The following TET3 variants were observed in gnomAD, a reference collection of about 807,000 sequenced individuals.
The protein encoded by TET3 is methylcytosine dioxygenase TET3.
Under a neutral mutation model 141.4 loss-of-function variants are expected in TET3, and 19 were observed. The observed-to-expected ratio is 0.13, with a 90% CI of 0.09 to 0.20. The LOEUF (loss-of-function observed/expected upper bound fraction) is 0.20, where lower values mean the gene tolerates loss of function less well. Ranked by LOEUF, TET3 falls within the 10% of genes least tolerant of loss-of-function variation. The pLI, the probability that TET3 is intolerant of heterozygous loss-of-function variation, is 1.00. For synonymous variants in TET3, 1,043 were observed against 980.9 expected (o/e 1.06, Z -1.18); for missense variants, 1,874 against 2,356.9 (o/e 0.80, Z 4.24).
At position 74,097,858 on chromosome 2, in the gene TET3, G is replaced by T. The variant is rs369118485; in HGVS notation, c.3268-1418G>T. On this transcript the variant is annotated intron_variant, in intron 10 of 11. Coordinates refer to ENST00000409262, the MANE Select transcript of TET3 (RefSeq NM_001287491.2). ...TGGTTCATATATCAGAGGCACACTCGCAGGGAGCCATTTGCTATCTCTGAG... is the reference window on the plus strand; with the variant it reads ...TGGTTCATATATCAGAGGCACACTCTCAGGGAGCCATTTGCTATCTCTGAG... Among the ~76,000 whole-genome samples the T allele has an allele frequency of 6.1e-4, 93 of 152,260 alleles. 3 individuals carry two copies. The highest frequency in any genetic ancestry group is 2.2e-3 in the African/African-American group (92 of 41,546).
At chr2:74,061,666 T>G in intron 4 of TET3, among the ~76,000 whole-genome samples, 1 of 137,640 alleles carries the variant, frequency 7.3e-6, no homozygotes, top group East Asian at 2.3e-4. Context: ...CCAGACGGGG[T>G]GGCTGCCGGG....
At chr2:74,131,819 G>C in the TET3 span, among the ~76,000 whole-genome samples, 2 of 151,726 alleles carry the variant, frequency 1.3e-5, no homozygotes, top group Non-Finnish European at 2.9e-5. Flanking sequence ...CTAGCCACTG[G>C]GATTAAACAC....
chr2:73,989,112 C>T (rs560441843), intron 2 of TET3, among the ~76,000 whole-genome samples: 9 of 149,998 alleles, frequency 6.0e-5, no homozygotes, highest in Non-Finnish European at 1.2e-4. Context: ...TGAGATGTTC[C>T]TGAGAGACTG....
chr2:74,027,756 C>T (rs1018946567), intron 3 of TET3, among the ~76,000 whole-genome samples: 5 of 152,140 alleles, frequency 3.3e-5, no homozygotes, highest in African/African-American at 1.2e-4. Flanking sequence ...TTTGTTTATC[C>T]ATTCTTTAGT....
Position 74,048,079 on chromosome 2 carries a change from G to A in TET3, c.2162G>A (p.Ser721Asn), listed in dbSNP as rs1448506490. ...IRQFEAEFGD[S>N]FGLPGPPSVP... Reference sequence around the variant, plus strand: ...CAGTTTGAGGCTGAATTTGGAGATAGCTTTGGGCTTCCCGGCCCCCCTTCT... The same window carrying A: ...CAGTTTGAGGCTGAATTTGGAGATAACTTTGGGCTTCCCGGCCCCCCTTCT... Residue 721 changes from serine to asparagine, a missense_variant, in exon 4 of 12, where the codon AGC becomes AAC. Transcript: ENST00000409262. 2 of 1,613,420 alleles carry A rather than the reference G, an allele frequency of 1.2e-6. No individual in the cohort carries two copies. The highest frequency in any genetic ancestry group is 1.7e-6 in the Non-Finnish European group (2 of 1,179,686).
chr2:74,028,895 T>C (rs1355602947), intron 3 of TET3, among the ~76,000 whole-genome samples: 1 of 152,262 alleles, frequency 6.6e-6, no homozygotes, highest in African/African-American at 2.4e-5. Context: ...CACAGACTAA[T>C]GGAGATAGCA....
At chr2:74,094,108 C>T (rs1690665303) in intron 10 of TET3, among the ~76,000 whole-genome samples, 1 of 152,112 alleles carries the variant, frequency 6.6e-6, no homozygotes, top group Non-Finnish European at 1.5e-5. Flanking sequence ...GTGGGAATGT[C>T]CTGTAGCAAT....
chr2:74,093,864 C>A lies in TET3; in HGVS notation c.3267+198C>A, dbSNP rs1690651959. Among the ~76,000 whole-genome samples, 1 of 152,216 alleles carries A rather than the reference C, an allele frequency of 6.6e-6. No individual in the cohort carries two copies. The highest frequency in any genetic ancestry group is 2.1e-4 in the South Asian group (1 of 4,826). ...CCTCACCAGAAAACCCTTGAACAGACAAGGCTGGCTTTGTGTCTGTGTCTT... is the reference window on the plus strand; with the variant it reads ...CCTCACCAGAAAACCCTTGAACAGAAAAGGCTGGCTTTGTGTCTGTGTCTT... On this transcript the variant is annotated intron_variant, in intron 10 of 11. Transcript: ENST00000409262. This position sits in a 1 kb window ranked among gnomAD's most constrained non-coding sequence, Gnocchi z 4.2.
intron 4 of TET3, among the ~76,000 whole-genome samples, chr2:74,052,468 G>A (rs907752919): frequency 5.9e-5 from 9 of 151,648 alleles, no homozygotes; most frequent in African/African-American, 2.2e-4. Flanking sequence ...TAGAAGTGGG[G>A]GTGAAATATG....
the TET3 span, chr2:74,134,802 G>C: frequency 2.2e-6 from 1 of 456,386 alleles, no homozygotes; most frequent in Admixed American, 2.4e-5. Context: ...ACTCCAGAGA[G>C]AGCAGCTTAT....
chr2:74,100,461 C>T lies in TET3; in HGVS notation c.3673C>T (p.His1225Tyr). ...CTCCCTCAAGGTGGAGCCGCAGAAC[C>T]ACTTCAGCTCCTTCAAGTACAGCGG... Reference protein sequence around the residue: ...KPSLKVEPQNHFSSFKYSGNA... With the variant: ...KPSLKVEPQNYFSSFKYSGNA... The change falls in exon 12 of 12, where the codon CAC (histidine) becomes TAC (tyrosine). Residue 1225 changes from histidine to tyrosine, a missense_variant. By Grantham distance (83) the His-to-Tyr change is moderately conservative. Coordinates refer to ENST00000409262, the MANE Select transcript of TET3 (RefSeq NM_001287491.2). 6.3e-7 allele frequency: 1 copy of T among 1,588,550 alleles called. No individual in the cohort carries two copies. The highest frequency in any genetic ancestry group is 1.3e-5 in the African/African-American group (1 of 74,358).
intron 3 of TET3, among the ~76,000 whole-genome samples, chr2:74,014,858 C>T (rs1343191337): frequency 1.3e-5 from 2 of 152,100 alleles, no homozygotes; most frequent in Non-Finnish European, 2.9e-5. Context: ...AAGAGTGTCC[C>T]AGGATGGAGA....
chr2:74,107,380 G>T lies in TET3; in HGVS notation c.*5204G>T, dbSNP rs1182095939. The T allele has an allele frequency of 6.6e-6, 1 of 152,234 alleles. No homozygotes were observed. The highest frequency in any genetic ancestry group is 1.5e-5 in the Non-Finnish European group (1 of 68,036). The allele number at this position is 152,234 out of a possible 1,614,324, so 9.4% of individuals were successfully genotyped here. ...TGGCTTCTATTCTGATATCAGGGAT[G>T]CTTTTTGTAGTGGTATTGTTTGCTC... On this transcript the variant is annotated 3_prime_UTR_variant, in exon 12 of 12. Coordinates refer to ENST00000409262, the MANE Select transcript of TET3 (RefSeq NM_001287491.2).
intron 4 of TET3, among the ~76,000 whole-genome samples, chr2:74,048,855 G>C (rs1156643446): frequency 6.6e-6 from 1 of 152,190 alleles, no homozygotes; most frequent in Non-Finnish European, 1.5e-5. Flanking sequence ...ATGAACAAAA[G>C]GTGGCTTGGT....
the TET3 span, among the ~76,000 whole-genome samples, chr2:74,125,318 C>T: frequency 4.0e-4 from 32 of 79,068 alleles, no homozygotes; most frequent in African/African-American, 1.6e-3. Flanking sequence ...CGCTGTTTCT[C>T]CCTACAACAT....
rs1471862202 is a variant in TET3, at chr2:74,101,069, G to C, written c.4281G>C (p.Gln1427His). 1 of 1,612,622 alleles carries C rather than the reference G, an allele frequency of 6.2e-7. No individual in the cohort carries two copies. Among genetic ancestry groups the C allele is most frequent in the Non-Finnish European group, 8.5e-7 (1 of 1,179,300 alleles). The part of the protein sequence containing the change: ...MGKTPLSEVS[Q>H]NGGPSHLWGQ... ...AGACACCTCTGTCCGAGGTGTCTCA[G>C]AATGGAGGACCCAGTCACCTTTGGG... Residue 1427 changes from glutamine to histidine, a missense_variant, in exon 12 of 12, where the codon CAG becomes CAC. Around this residue, in one of 10 missense-constraint regions of TET3, gnomAD observed 602 missense variants for 590.2 expected, o/e 1.02. Coordinates refer to ENST00000409262, the MANE Select transcript of TET3 (RefSeq NM_001287491.2). This position sits in a 1 kb window ranked among gnomAD's most constrained non-coding sequence, Gnocchi z 8.5.
chr2:73,985,364 C>G lies in TET3; in HGVS notation c.-425+207C>G, dbSNP rs1683959854. Reference sequence around the variant, plus strand: ...GGGGCGGGGGCGGGGGCTGCGAAGCCGCCGGAGCGGAGTGGCGGAGGCCCC... The same window carrying G: ...GGGGCGGGGGCGGGGGCTGCGAAGCGGCCGGAGCGGAGTGGCGGAGGCCCC... On this transcript the variant is annotated intron_variant, in intron 1 of 11. Coordinates refer to ENST00000409262, the MANE Select transcript of TET3 (RefSeq NM_001287491.2). 2.1e-5 allele frequency among the ~76,000 whole-genome samples: 3 copies of G among 143,814 alleles called. No individual in the cohort carries two copies. In the South Asian group the frequency reaches 6.3e-4, roughly 30 times the overall value. 94.3% of individuals were successfully genotyped at this position (143,814 alleles called of 152,430 possible). A position where few individuals can be genotyped will look rare whatever the true frequency, so the allele number is the denominator to read the frequency against.
chr2:74,124,084 G>T, the TET3 span, among the ~76,000 whole-genome samples: 160 of 151,524 alleles, frequency 1.1e-3, 1 homozygote, highest in African/African-American at 3.7e-3. Flanking sequence ...TCTGCGAAGT[G>T]AGGAGCCCCT....
intron 4 of TET3, among the ~76,000 whole-genome samples, chr2:74,067,510 C>T (rs930462644): frequency 4.6e-5 from 7 of 152,190 alleles, no homozygotes; most frequent in African/African-American, 1.7e-4. Context: ...GCCCAGGTTT[C>T]CGTCTGCAAG....
Sources: allele counts gnomAD v4.1 joint callset (sites outside exome capture counted in the v4.1 genomes callset), GRCh38; gene constraint gnomAD v4.1.1; regional missense constraint gnomAD v4.1.1; non-coding constraint Gnocchi (gnomAD v3.1); transcripts MANE v1.5; gene names NCBI Gene and HGNC (gene_info 2026-07-23, HGNC 2026-07-21).